FHIP1A: variants seen among roughly 807,000 people sequenced by gnomAD.
The protein encoded by FHIP1A is FHF complex subunit HOOK-interacting protein 1A.
Under a neutral mutation model 88.6 loss-of-function variants are expected in FHIP1A, and 61 were observed. That is an observed-to-expected ratio of 0.69 (90% CI 0.56 to 0.85). The LOEUF (loss-of-function observed/expected upper bound fraction) is 0.85, where lower values mean the gene tolerates loss of function less well. Ranked by LOEUF, FHIP1A falls within the 40% of genes least tolerant of loss-of-function variation. The pLI is 0.00. For missense variants in FHIP1A, 1,154 were observed against 1,273.5 expected, an observed-to-expected ratio of 0.91 and a Z score of 1.43; for synonymous variants, 478 against 496.0, an observed-to-expected ratio of 0.96 and a Z score of 0.48.
At position 151,646,657 on chromosome 4, in the gene FHIP1A, T is replaced by C; in HGVS notation, c.1326T>C (p.Thr442=). 6.4e-7 allele frequency: 1 copy of C among 1,551,506 alleles called. No homozygotes were observed. Among genetic ancestry groups the C allele is most frequent in the Non-Finnish European group, 8.7e-7 (1 of 1,146,808 alleles). The stretch of plus-strand genomic sequence containing the variant: ...CTGCGGCCAAGCTTCTCGCCTTGAC[T>C]CCTGTCTGCTGCTCCAGCGGGATCA... ...SVSAAKLLAL[T]PVCCSSGITL... Residue 442 remains threonine, a synonymous_variant, in exon 10 of 14, where the codon ACT becomes ACC. Transcript: ENST00000435205.
chr4:151,545,446 C>T (rs1028038181), intron 3 of FHIP1A, among the ~76,000 whole-genome samples: 6 of 132,022 alleles, frequency 4.5e-5, no homozygotes, highest in Non-Finnish European at 6.1e-5. Flanking sequence ...GGCATGATCT[C>T]GGCTCACTGC....
chr4:151,524,209 G>A (rs1299208033), intron 3 of FHIP1A, among the ~76,000 whole-genome samples: 1 of 151,912 alleles, frequency 6.6e-6, no homozygotes, highest in Non-Finnish European at 1.5e-5. Flanking sequence ...GGCTGAGGCA[G>A]GAGAATCACT....
rs1480789411 is a variant in FHIP1A at position 151,668,734 on chromosome 4, CCTCT to C, written c.*5981_*5984del. Among the ~76,000 whole-genome samples the C allele has an allele frequency of 6.6e-5, 10 of 152,352 alleles. No individual in the cohort carries two copies. The South Asian group carries it at 1.7e-3, about 25-fold the overall frequency. On this transcript the variant is annotated 3_prime_UTR_variant, in exon 14 of 14. Transcript: ENST00000435205. ...GTAAGCGAGCTTTTACTGAATACTC[CCTCT>C]GTTAGGTAGCATGCAGAGTGCTAGG...
At chr4:151,657,548 C>T (rs1737294623) in intron 13 of FHIP1A, among the ~76,000 whole-genome samples, 1 of 152,140 alleles carries the variant, frequency 6.6e-6, no homozygotes, top group African/African-American at 2.4e-5. Context: ...CCTGGGAGCA[C>T]CACTGCTGCT....
intron 1 of FHIP1A, among the ~76,000 whole-genome samples, chr4:151,429,891 C>A (rs1223592405): frequency 6.7e-6 from 1 of 149,976 alleles, no homozygotes; most frequent in Non-Finnish European, 1.5e-5. Flanking sequence ...TGATTCTCTT[C>A]ATTTTCTAAA....
intron 7 of FHIP1A, among the ~76,000 whole-genome samples, chr4:151,594,915 T>C (rs1249581045): frequency 6.6e-6 from 1 of 152,148 alleles, no homozygotes; most frequent in African/African-American, 2.4e-5. Flanking sequence ...TCTTCTCTCT[T>C]TTCTTTTTTT....
chr4:151,599,428 G>A (rs1237256178), intron 7 of FHIP1A, among the ~76,000 whole-genome samples: 1 of 151,014 alleles, frequency 6.6e-6, no homozygotes, highest in African/African-American at 2.4e-5. Flanking sequence ...TTTATTTGGG[G>A]AAATGCCTGT....
Position 151,542,186 on chromosome 4 carries a change from T to C in FHIP1A, c.-122-23952T>C, listed in dbSNP as rs182258891. Among the ~76,000 whole-genome samples, 8 of 152,314 alleles carry C rather than the reference T, an allele frequency of 5.3e-5. No individual in the cohort carries two copies. In the East Asian group the frequency reaches 1.5e-3, roughly 29 times the overall value. On this transcript the variant is annotated intron_variant, in intron 3 of 13. Transcript: ENST00000435205. Reference sequence around the variant, plus strand: ...GGTTGTGTGACGAGAACCCAGTTTTTTCTACAACACAGTGTTGTGTGTGTG... The same window carrying C: ...GGTTGTGTGACGAGAACCCAGTTTTCTCTACAACACAGTGTTGTGTGTGTG...
chr4:151,619,063 C>A (rs1451530969), intron 7 of FHIP1A, among the ~76,000 whole-genome samples: 1 of 152,126 alleles, frequency 6.6e-6, no homozygotes, highest in South Asian at 2.1e-4. Flanking sequence ...CAGAGTGGAA[C>A]AGGAAGCGGG....
Position 151,655,025 on chromosome 4 carries a change from CAG to C in FHIP1A, c.2552-1204_2552-1203del, listed in dbSNP as rs560159613. Among the ~76,000 whole-genome samples, 139 of 152,354 alleles carry C rather than the reference CAG, an allele frequency of 9.1e-4. 1 individual carries two copies. Among genetic ancestry groups the C allele is most frequent in the African/African-American group, 3.3e-3 (137 of 41,586 alleles). On this transcript the variant is annotated intron_variant, in intron 11 of 13. Coordinates refer to ENST00000435205, the MANE Select transcript of FHIP1A (RefSeq NM_001109977.3). The stretch of plus-strand genomic sequence containing the variant: ...CGGTTTGGTGTTCCCATTCCACACA[CAG>C]AGCTTCTGTTCCTTGCAAAGGGTTT...
At position 151,455,734 on chromosome 4, in the gene FHIP1A, C is replaced by T. The variant is rs115474968; in HGVS notation, c.-248+926C>T. Among the ~76,000 whole-genome samples, 396 of 152,308 alleles carry T rather than the reference C, an allele frequency of 2.6e-3. 1 individual carries two copies. The highest frequency in any genetic ancestry group is 9.1e-3 in the African/African-American group (379 of 41,582). ...CTTTGTTATTACACAGAATATAGCA[C>T]TGCTTCTGAAGGCAAAGAGGCAGAG... On this transcript the variant is annotated intron_variant, in intron 2 of 13. Transcript: ENST00000435205.
intron 3 of FHIP1A, among the ~76,000 whole-genome samples, chr4:151,542,084 T>C (rs997253786): frequency 6.6e-6 from 1 of 152,046 alleles, no homozygotes; most frequent in African/African-American, 2.4e-5. Context: ...GTTGAGAGGT[T>C]TTCTTTTTTT....
At chr4:151,582,901 A>G (rs935751141) in intron 5 of FHIP1A, among the ~76,000 whole-genome samples, 21 of 152,252 alleles carry the variant, frequency 1.4e-4, no homozygotes, top group African/African-American at 5.1e-4. Context: ...TTTAAAAGTA[A>G]ATAGAATGTG....
chr4:151,638,666 T>C lies in FHIP1A; in HGVS notation c.1147-11T>C. The C allele has an allele frequency of 1.3e-6, 2 of 1,531,504 alleles. No homozygotes were observed. The highest frequency in any genetic ancestry group is 1.2e-5 in the South Asian group (1 of 82,716). The allele number at this position is 1,531,504 out of a possible 1,614,324, so 94.9% of individuals were successfully genotyped here. On this transcript the variant is annotated splice_polypyrimidine_tract_variant and intron_variant, in intron 8 of 13. Coordinates refer to ENST00000435205, the MANE Select transcript of FHIP1A (RefSeq NM_001109977.3). ...ACATCTGAACTAGAATGTGTGTCTCTTGCTTCCCAGCTTTGTGTGGTGTCT... is the reference window on the plus strand; with the variant it reads ...ACATCTGAACTAGAATGTGTGTCTCCTGCTTCCCAGCTTTGTGTGGTGTCT...
At chr4:151,413,239 C>G (rs1038079239) in intron 1 of FHIP1A, among the ~76,000 whole-genome samples, 1 of 151,934 alleles carries the variant, frequency 6.6e-6, no homozygotes, top group Non-Finnish European at 1.5e-5. Flanking sequence ...TTGGCAATGT[C>G]TAAAATTGAA....
chr4:151,607,036 G>A (rs1265402930), intron 7 of FHIP1A, among the ~76,000 whole-genome samples: 1 of 152,178 alleles, frequency 6.6e-6, no homozygotes, highest in Non-Finnish European at 1.5e-5. Flanking sequence ...TGGGGAAGTT[G>A]GGGATTCTTA....
At chr4:151,515,623 A>G (rs1731204598) in intron 3 of FHIP1A, among the ~76,000 whole-genome samples, 1 of 152,212 alleles carries the variant, frequency 6.6e-6, no homozygotes, top group African/African-American at 2.4e-5. Flanking sequence ...TACAAAATCA[A>G]TGTACAAAAA....
At chr4:151,495,124 A>G (rs1730413363) in intron 3 of FHIP1A, among the ~76,000 whole-genome samples, 1 of 152,200 alleles carries the variant, frequency 6.6e-6, no homozygotes, top group Non-Finnish European at 1.5e-5. Flanking sequence ...ATTGTGTGCA[A>G]ACAGAGATAG....
At chr4:151,590,375 C>T (rs1185625756) in intron 7 of FHIP1A, among the ~76,000 whole-genome samples, 2 of 152,154 alleles carry the variant, frequency 1.3e-5, no homozygotes, top group Non-Finnish European at 2.9e-5. Context: ...GATTAGCACA[C>T]TTTAGTGTTA....
Sources: gnomAD v4.1 joint callset for allele counts (sites outside exome capture counted in the v4.1 genomes callset) on GRCh38, gnomAD v4.1.1 for gene constraint, MANE v1.5 for transcripts, NCBI Gene and HGNC (gene_info 2026-07-23, HGNC 2026-07-21) for gene names.